The following RIMBP2 variants were observed in gnomAD, a reference collection of about 807,000 sequenced individuals.
The protein encoded by RIMBP2 is RIMS-binding protein 2.
RIMBP2 carries 48 observed loss-of-function variants against 118.6 expected under a neutral mutation model. The observed-to-expected ratio is 0.40, with a 90% CI of 0.32 to 0.51. RIMBP2 has a LOEUF of 0.51. Ranked by LOEUF, RIMBP2 falls within the 20% of genes least tolerant of loss-of-function variation. The pLI, the probability that RIMBP2 is intolerant of heterozygous loss-of-function variation, is 0.41. For missense variants in RIMBP2, 1,551 were observed against 1,768.3 expected (o/e 0.88, Z 2.20); for synonymous variants, 762 against 742.9 (o/e 1.03, Z -0.42).
chr12:130,580,608 T>A (rs959954026), intron 2 of RIMBP2, among the ~76,000 whole-genome samples: 1 of 152,230 alleles, frequency 6.6e-6, no homozygotes, highest in Non-Finnish European at 1.5e-5. Flanking sequence ...TTTGATATTT[T>A]GTTCATCAGG....
intron 1 of RIMBP2, among the ~76,000 whole-genome samples, chr12:130,706,146 A>G (rs1262885228): frequency 6.6e-6 from 1 of 152,198 alleles, no homozygotes; most frequent in African/African-American, 2.4e-5. Flanking sequence ...CCCTCACACT[A>G]TTCCAGGCCC....
chr12:130,660,080 T>C lies in RIMBP2; in HGVS notation c.-351-31624A>G, dbSNP rs1189575732. 3.3e-5 allele frequency: 5 copies of C among 151,530 alleles called. No homozygotes were observed. The East Asian group carries it at 9.8e-4, about 30-fold the overall frequency. The allele number at this position is 151,530 out of a possible 1,614,324, so 9.4% of individuals were successfully genotyped here. On this transcript the variant is annotated intron_variant, in intron 1 of 22. Transcript: ENST00000690449. ...GGAGTAGTGGCACAATCTCGGCTCATTGCAACCTCCACCTCTTAGGCTCAA... is the reference window on the plus strand; with the variant it reads ...GGAGTAGTGGCACAATCTCGGCTCACTGCAACCTCCACCTCTTAGGCTCAA...
chr12:130,435,170 C>T (rs539253382), intron 13 of RIMBP2, among the ~76,000 whole-genome samples: 7 of 152,148 alleles, frequency 4.6e-5, no homozygotes, highest in South Asian at 4.1e-4. Flanking sequence ...CACAGCCTCC[C>T]GAGTAGCTGA....
At chr12:130,602,065 G>A (rs149989163) in intron 2 of RIMBP2, among the ~76,000 whole-genome samples, 17 of 152,276 alleles carry the variant, frequency 1.1e-4, no homozygotes, top group African/African-American at 3.4e-4. Context: ...TTCAGAGGCC[G>A]AGGCGGGTGG....
rs141735423 is a variant in RIMBP2, at chr12:130,432,064, C to T, written c.2253+2670G>A. On this transcript the variant is annotated intron_variant, in intron 14 of 22. Transcript: ENST00000690449. Reference sequence around the variant, plus strand: ...GCTGCCATAAGACAGCGCTGAATGCCGATCTCAAAAACCAGTGGGGGTATG... The same window carrying T: ...GCTGCCATAAGACAGCGCTGAATGCTGATCTCAAAAACCAGTGGGGGTATG... 402 of 337,614 alleles carry T rather than the reference C, an allele frequency of 1.2e-3. 2 individuals are homozygous for T. Among genetic ancestry groups the T allele is most frequent in the African/African-American group, 7.9e-3 (365 of 46,062 alleles). 20.9% of individuals were successfully genotyped at this position (337,614 alleles called of 1,614,324 possible).
At chr12:130,638,094 G>A (rs960482220) in intron 1 of RIMBP2, among the ~76,000 whole-genome samples, 4 of 152,124 alleles carry the variant, frequency 2.6e-5, no homozygotes, top group Non-Finnish European at 4.4e-5. Context: ...TGTGAGTCAC[G>A]AAATTGGTGT....
intron 1 of RIMBP2, among the ~76,000 whole-genome samples, chr12:130,646,061 A>G (rs1431968534): frequency 5.0e-5 from 6 of 120,370 alleles, no homozygotes; most frequent in Admixed American, 3.5e-4. Flanking sequence ...CTCCCTCACC[A>G]CCTGCCTCTC....
In RIMBP2 at chr12:130,617,243, A is replaced by T. The variant is rs1370721241; in HGVS notation, c.-217+11079T>A. On this transcript the variant is annotated intron_variant, in intron 2 of 22. Coordinates refer to ENST00000690449, the MANE Select transcript of RIMBP2 (RefSeq NM_001393629.1). This position sits in a 1 kb window ranked among gnomAD's most constrained non-coding sequence, Gnocchi z 4.6. ...CACACAAGGGATGCAAGGCTTAGGG[A>T]ACTAGAGCCCAGGCCCACGCCCTGC... is the stretch of plus-strand genomic sequence containing the variant. 7.0e-6 allele frequency among the ~76,000 whole-genome samples: 1 copy of T among 142,318 alleles called. No homozygotes were observed. Among genetic ancestry groups the T allele is most frequent in the South Asian group, 2.4e-4 (1 of 4,204 alleles). 93.4% of individuals were successfully genotyped at this position (142,318 alleles called of 152,430 possible). A position where few individuals can be genotyped will look rare whatever the true frequency, so the allele number is the denominator to read the frequency against.
chr12:130,678,391 C>T (rs755776027), intron 1 of RIMBP2, among the ~76,000 whole-genome samples: 4 of 152,252 alleles, frequency 2.6e-5, no homozygotes, highest in African/African-American at 4.8e-5. Context: ...AGTGCTGCTG[C>T]GCCACGGAAT....
chr12:130,624,799 A>G (rs2061521430), intron 2 of RIMBP2, among the ~76,000 whole-genome samples: 4 of 152,170 alleles, frequency 2.6e-5, no homozygotes, highest in Non-Finnish European at 5.9e-5. Flanking sequence ...ATCTCAGCTT[A>G]CTGCAACCTC....
chr12:130,572,353 A>C (rs1593851677), intron 2 of RIMBP2, among the ~76,000 whole-genome samples: 1 of 151,626 alleles, frequency 6.6e-6, no homozygotes, highest in South Asian at 2.1e-4. Context: ...ACATGGAATC[A>C]CCCCCGCAAC....
intron 2 of RIMBP2, among the ~76,000 whole-genome samples, chr12:130,565,308 G>A (rs780679433): frequency 2.0e-5 from 3 of 152,120 alleles, no homozygotes; most frequent in Non-Finnish European, 2.9e-5. Flanking sequence ...CTTGCTGGTA[G>A]GGATGTAAAA....
intron 2 of RIMBP2, among the ~76,000 whole-genome samples, chr12:130,559,125 C>A (rs1386596657): frequency 6.6e-6 from 1 of 151,630 alleles, no homozygotes; most frequent in Non-Finnish European, 1.5e-5. Context: ...ATAATTAAAT[C>A]CTACTTATTA....
chr12:130,678,125 C>A (rs2064586934), intron 1 of RIMBP2, among the ~76,000 whole-genome samples: 1 of 152,222 alleles, frequency 6.6e-6, no homozygotes, highest in Non-Finnish European at 1.5e-5. Context: ...CACAAACAAA[C>A]CTGGGTGCAG....
In RIMBP2 at chr12:130,428,317, G is replaced by A. The variant is rs200430584; in HGVS notation, c.2274C>T (p.Asp758=). The part of the protein sequence containing the change: ...LGKQPHCCHG[D]EYHTESSRGS... ...CCCGGCTGCTCTCTGTGTGGTACTC[G>A]TCTCCATGGCAACAGTGCGGCTGGG... The change falls in exon 15 of 23, where the codon GAC becomes GAT. Residue 758 remains aspartate (D), a synonymous_variant. Transcript: ENST00000690449. 1.1e-4 allele frequency: 183 copies of A among 1,611,358 alleles called. 1 individual carries two copies. In the Admixed American group the frequency reaches 2.8e-3, roughly 25 times the overall value.
Position 130,431,445 on chromosome 12 carries a change from C to T in RIMBP2, c.2254-3108G>A, listed in dbSNP as rs754793678. On this transcript the variant is annotated intron_variant, in intron 14 of 22. Coordinates refer to ENST00000690449, the MANE Select transcript of RIMBP2 (RefSeq NM_001393629.1). The surrounding 1 kb of genome is among the most constrained non-coding windows in gnomAD (Gnocchi z 4.0). ...CATGATGCGTCACCTAGCCAGACGC[C>T]ATCTGTATGATTAATGAATGTATTC... is the stretch of plus-strand genomic sequence containing the variant. 8.5e-5 allele frequency: 35 copies of T among 411,976 alleles called. No individual in the cohort carries two copies. Among genetic ancestry groups the T allele is most frequent in the Admixed American group, 1.7e-4 (7 of 40,374 alleles). The allele number at this position is 411,976 out of a possible 1,614,324, so 25.5% of individuals were successfully genotyped here. A position where few individuals can be genotyped will look rare whatever the true frequency, so the allele number is the denominator to read the frequency against.
At chr12:130,464,537 AGGCCCTGCG>A (rs2080286119) in intron 6 of RIMBP2, among the ~76,000 whole-genome samples, 1 of 152,116 alleles carries the variant, frequency 6.6e-6, no homozygotes, top group Non-Finnish European at 1.5e-5. Flanking sequence ...ACTATGTGGC[AGGCCCTGCG>A]TGATTTCATT....
chr12:130,486,559 C>T (rs1011589479), intron 4 of RIMBP2, among the ~76,000 whole-genome samples: 1 of 148,610 alleles, frequency 6.7e-6, no homozygotes. Flanking sequence ...AAATAGAATT[C>T]TTGATTTTCT....
At chr12:130,487,788 C>T (rs556403989) in intron 4 of RIMBP2, among the ~76,000 whole-genome samples, 7 of 152,122 alleles carry the variant, frequency 4.6e-5, no homozygotes, top group Admixed American at 1.3e-4. Context: ...GGTGCACCCC[C>T]GGCCCAGAAC....
Sources: allele counts gnomAD v4.1 joint callset (sites outside exome capture counted in the v4.1 genomes callset), GRCh38; gene constraint gnomAD v4.1.1; non-coding constraint Gnocchi (gnomAD v3.1); transcripts MANE v1.5; gene names NCBI Gene and HGNC (gene_info 2026-07-23, HGNC 2026-07-21).